Variants in NBAS observed in about 807,000 individuals in gnomAD.
The protein encoded by NBAS is NAG/BC035112 fusion.
A neutral mutation model predicts 302.5 loss-of-function variants in NBAS; 219 were observed. That is an observed-to-expected ratio of 0.72 (90% confidence interval 0.65 to 0.81). The LOEUF is 0.81. Among genes scored for constraint, NBAS ranks in the 30% least tolerant of loss-of-function variants. NBAS has a pLI of 0.00. For missense variants in NBAS, 2,932 were observed against 2,841.6 expected, an observed-to-expected ratio of 1.03 and a Z score of -0.72; for synonymous variants, 1,118 against 1,021.6, an observed-to-expected ratio of 1.09 and a Z score of -1.80.
the NBAS span, among the ~76,000 whole-genome samples, chr2:14,921,214 T>C: frequency 6.6e-6 from 1 of 151,994 alleles, no homozygotes; most frequent in Non-Finnish European, 1.5e-5. Flanking sequence ...GAATGGCCAA[T>C]ACATGGAGCA....
the NBAS span, among the ~76,000 whole-genome samples, chr2:14,950,669 G>A: frequency 6.6e-6 from 1 of 152,188 alleles, no homozygotes; most frequent in African/African-American, 2.4e-5. Context: ...CAAGATGATG[G>A]TAAGTAGAAG....
intron 50 of NBAS, among the ~76,000 whole-genome samples, chr2:15,185,581 C>T (rs773264712): frequency 3.3e-5 from 5 of 152,112 alleles, no homozygotes; most frequent in Non-Finnish European, 5.9e-5. Flanking sequence ...TTCCCCCTCT[C>T]CAGGAGCCCA....
rs1347846236 is a variant in NBAS, at chr2:15,402,314, A to T, written c.2938-13T>A. The T allele has an allele frequency of 6.2e-7, 1 of 1,613,116 alleles. No individual in the cohort carries two copies. Among genetic ancestry groups the T allele is most frequent in the Non-Finnish European group, 8.5e-7 (1 of 1,179,378 alleles). ...TTTTTTGCTGCAGCTACAGAAAATA[A>T]AGTATGTTGTACTAAATGTCAACAG... On this transcript the variant is annotated splice_polypyrimidine_tract_variant and intron_variant, in intron 25 of 51. Coordinates refer to ENST00000281513, the MANE Select transcript of NBAS (RefSeq NM_015909.4).
chr2:15,472,598 G>A (rs540319121), intron 16 of NBAS, among the ~76,000 whole-genome samples: 6 of 152,136 alleles, frequency 3.9e-5, no homozygotes, highest in Non-Finnish European at 5.9e-5. Context: ...AGAAGCAGGC[G>A]TCCAGCTTTC....
intron 10 of NBAS, among the ~76,000 whole-genome samples, chr2:15,506,864 C>G (rs911377437): frequency 6.6e-6 from 1 of 151,878 alleles, no homozygotes; most frequent in African/African-American, 2.4e-5. Flanking sequence ...TGAAAGAATA[C>G]GAAGAAAACA....
intron 48 of NBAS, among the ~76,000 whole-genome samples, chr2:15,197,664 C>T (rs1057223258): frequency 3.5e-4 from 54 of 152,180 alleles, no homozygotes; most frequent in African/African-American, 1.3e-3. Context: ...TCTCTTGTTA[C>T]TCTCAGCTTC....
At chr2:15,022,311 A>G in the NBAS span, among the ~76,000 whole-genome samples, 5 of 152,130 alleles carry the variant, frequency 3.3e-5, no homozygotes, top group East Asian at 1.9e-4. Context: ...CTTCCTCTCA[A>G]TGACTGACTC....
intron 47 of NBAS, among the ~76,000 whole-genome samples, chr2:15,223,961 G>T (rs2147901932): frequency 6.6e-6 from 1 of 152,222 alleles, no homozygotes; most frequent in South Asian, 2.1e-4. Flanking sequence ...CACTGCAAAT[G>T]ATAATTTAGT....
chr2:15,117,890 A>G, the NBAS span, among the ~76,000 whole-genome samples: 21,220 of 152,076 alleles, frequency 0.14, 2,854 homozygotes, highest in African/African-American at 0.34. Flanking sequence ...AAAAGACAGA[A>G]TACACAGGCT....
chr2:14,962,132 G>A, the NBAS span, among the ~76,000 whole-genome samples: 9 of 152,146 alleles, frequency 5.9e-5, no homozygotes, highest in Non-Finnish European at 1.3e-4. Flanking sequence ...AGAATTATGG[G>A]TGAGTTTGAT....
chr2:15,009,693 C>T, the NBAS span, among the ~76,000 whole-genome samples: 4 of 126,572 alleles, frequency 3.2e-5, no homozygotes, highest in Admixed American at 7.9e-5. Context: ...TGTAGGAATG[C>T]ATATATATAT....
At chr2:15,305,900 C>T (rs749615471) in intron 40 of NBAS, among the ~76,000 whole-genome samples, 12 of 152,160 alleles carry the variant, frequency 7.9e-5, no homozygotes, top group Non-Finnish European at 1.3e-4. Context: ...ATTTCAGCAC[C>T]AGCAACCCAG....
In NBAS at chr2:15,473,355, T is replaced by C; in HGVS notation, c.1600-8A>G. 6.2e-7 allele frequency: 1 copy of C among 1,613,502 alleles called. No individual in the cohort carries two copies. The highest frequency in any genetic ancestry group is 8.5e-7 in the Non-Finnish European group (1 of 1,179,604). On this transcript the variant is annotated splice_region_variant and splice_polypyrimidine_tract_variant and intron_variant, in intron 15 of 51. Coordinates refer to ENST00000281513, the MANE Select transcript of NBAS (RefSeq NM_015909.4). ...ATACTCTTCACTTTCAATCTTCAGA[T>C]AAAAACACGAGGACAGGAATGTTAC...
chr2:15,320,159 T>A (rs1326100940), intron 38 of NBAS, among the ~76,000 whole-genome samples: 2 of 152,018 alleles, frequency 1.3e-5, no homozygotes, highest in Non-Finnish European at 2.9e-5. Context: ...CCTGACTACC[T>A]CAATAGATGC....
chr2:15,406,918 C>T (rs1379803679), intron 25 of NBAS, among the ~76,000 whole-genome samples: 3 of 152,156 alleles, frequency 2.0e-5, no homozygotes, highest in Non-Finnish European at 2.9e-5. Context: ...GAGAAACGGG[C>T]ATACTCCTAC....
At chr2:14,797,758 G>C in the NBAS span, among the ~76,000 whole-genome samples, 721 of 152,172 alleles carry the variant, frequency 4.7e-3, 11 homozygotes, top group South Asian at 0.036. Flanking sequence ...CAGACTGTTG[G>C]GATGAGTGGG....
the NBAS span, among the ~76,000 whole-genome samples, chr2:14,797,859 C>T: frequency 2.0e-5 from 3 of 152,118 alleles, no homozygotes; most frequent in Non-Finnish European, 4.4e-5. Context: ...GAAGTAGCAC[C>T]CGAAAAAGTC....
intron 42 of NBAS, among the ~76,000 whole-genome samples, chr2:15,277,501 G>T (rs570917953): frequency 6.6e-6 from 1 of 152,136 alleles, no homozygotes; most frequent in East Asian, 1.9e-4. Flanking sequence ...AACATAAACA[G>T]CCTTATTATT....
At chr2:15,358,091 C>G (rs1393931029) in intron 32 of NBAS, among the ~76,000 whole-genome samples, 1 of 152,102 alleles carries the variant, frequency 6.6e-6, no homozygotes, top group Non-Finnish European at 1.5e-5. Context: ...ACCAGCCAGA[C>G]CACCAAGTGA....
Sources: gnomAD v4.1 joint callset for allele counts (sites outside exome capture counted in the v4.1 genomes callset) on GRCh38, gnomAD v4.1.1 for gene constraint, MANE v1.5 for transcripts, NCBI Gene and HGNC (gene_info 2026-07-23, HGNC 2026-07-21) for gene names.